The following ZNF432 variants were observed in gnomAD, a reference collection of about 807,000 sequenced individuals.
ZNF432 encodes the protein zinc finger protein 432.
ZNF432 carries 10 observed loss-of-function variants against 13.9 expected under a neutral mutation model. The observed-to-expected ratio is 0.72, with a 90% CI of 0.44 to 1.22. ZNF432 has a LOEUF of 1.22. Ranked by LOEUF, ZNF432 falls within the 50% of genes most tolerant of loss-of-function variation. The pLI, the probability that ZNF432 is intolerant of heterozygous loss-of-function variation, is 0.00. For synonymous variants in ZNF432, 247 were observed against 256.2 expected, an observed-to-expected ratio of 0.96 and a Z score of 0.34; for missense variants, 793 against 796.2, an observed-to-expected ratio of 1.00 and a Z score of 0.05.
intron 4 of ZNF432, among the ~76,000 whole-genome samples, chr19:52,039,883 C>T (rs2087118089): frequency 6.7e-6 from 1 of 150,368 alleles, no homozygotes; most frequent in Non-Finnish European, 1.5e-5. Flanking sequence ...TAGTGATTGC[C>T]TAGGGCTGGG....
intron 4 of ZNF432, among the ~76,000 whole-genome samples, chr19:52,036,946 T>C (rs951567355): frequency 1.3e-5 from 2 of 152,110 alleles, no homozygotes; most frequent in African/African-American, 2.4e-5. Context: ...GCTGGGACTA[T>C]AGGTGTGAGC....
intron 4 of ZNF432, among the ~76,000 whole-genome samples, chr19:52,036,924 G>A (rs545450720): frequency 6.6e-6 from 1 of 152,128 alleles, no homozygotes; most frequent in East Asian, 1.9e-4. Flanking sequence ...GCCCACCTCT[G>A]CTTCCCAAAG....
In ZNF432 at chr19:52,041,543, G is replaced by C. The variant is rs759105571; in HGVS notation, c.79C>G (p.Pro27Ala). 6.2e-7 allele frequency: 1 copy of C among 1,612,882 alleles called. No homozygotes were observed. The highest frequency in any genetic ancestry group is 1.1e-5 in the South Asian group (1 of 90,960). The change falls in exon 3 of 5, where the codon CCT (proline) becomes GCT (alanine). Residue 27 changes from proline to alanine, a missense_variant. Physicochemically the swap from Pro to Ala is conservative, Grantham distance 27. Transcript: ENST00000221315. ...FTWEEWQLLG[P>A]FQKDLYRDVM... ...TCCCGGTACAAATCCTTCTGAAAAG[G>C]GCCCAGGAGCTGCCACTCCTCCCAG...
intron 2 of ZNF432, among the ~76,000 whole-genome samples, chr19:52,044,426 A>G (rs910468699): frequency 1.3e-5 from 2 of 152,206 alleles, no homozygotes; most frequent in Admixed American, 6.5e-5. Flanking sequence ...TAATTTCTAC[A>G]TTGAAAAACA....
chr19:52,044,567 A>G (rs1388769124), intron 2 of ZNF432, among the ~76,000 whole-genome samples: 1 of 152,202 alleles, frequency 6.6e-6, no homozygotes, highest in East Asian at 1.9e-4. Flanking sequence ...TAAAAATCAT[A>G]AAGTCAGGCA....
chr19:52,034,501 C>T lies in ZNF432; in HGVS notation c.1178G>A (p.Arg393Gln), dbSNP rs941210663. ...TMKSRMIEHQ[R>Q]THTGEKPYIC... ...GTAGGGTTTCTCTCCTGTATGAGTT[C>T]GTTGATGTTCGATCATACGGCTCTT... is the stretch of plus-strand genomic sequence containing the variant. The change falls in exon 5 of 5, where the codon CGA (arginine) becomes CAA (glutamine). Residue 393 changes from arginine (R) to glutamine (Q), a missense_variant. By Grantham distance (43) the Arg-to-Gln change is conservative. Coordinates refer to ENST00000221315, the MANE Select transcript of ZNF432 (RefSeq NM_014650.4). The T allele has an allele frequency of 1.7e-5, 28 of 1,613,882 alleles. No individual in the cohort carries two copies. Among genetic ancestry groups the T allele is most frequent in the Non-Finnish European group, 2.2e-5 (26 of 1,180,026 alleles).
At chr19:52,035,472 T>A in intron 4 of ZNF432, 32 bp from the exon 5 acceptor site, 1 of 1,484,654 alleles carries the variant, frequency 6.7e-7, no homozygotes, top group Non-Finnish European at 9.0e-7. Context: ...AATCCTTTTA[T>A]AATCTTGTTG....
intron 1 of ZNF432, 43 bp from the exon 2 acceptor site, chr19:52,047,103 C>G: frequency 2.2e-6 from 1 of 450,734 alleles, no homozygotes; most frequent in Non-Finnish European, 4.0e-6. Flanking sequence ...CACCTTAACA[C>G]GTGGCCCTGA....
At chr19:52,041,731 T>C (rs2087138783) in intron 2 of ZNF432, 125 bp from the exon 3 acceptor site, 1 of 1,076,492 alleles carries the variant, frequency 9.3e-7, no homozygotes, top group Non-Finnish European at 1.3e-6. Flanking sequence ...AAGTCTATTG[T>C]ATTTTTTAAT....
In ZNF432 at chr19:52,034,563, T is replaced by C. The variant is rs1313525024; in HGVS notation, c.1116A>G (p.Pro372=). The part of the protein sequence containing the change: ...IHQRNHTGEK[P]YICNECGKGF... Reference sequence around the variant, plus strand: ...CTTTCCCACATTCATTGCATATATATGGTTTCTCTCCTGTATGATTTCGTT... The same window carrying C: ...CTTTCCCACATTCATTGCATATATACGGTTTCTCTCCTGTATGATTTCGTT... The change falls in exon 5 of 5, where the codon CCA becomes CCG. Residue 372 remains proline (P), a synonymous_variant. Transcript: ENST00000221315. 8 of 1,611,156 alleles carry C rather than the reference T, an allele frequency of 5.0e-6. No individual in the cohort carries two copies. The highest frequency in any genetic ancestry group is 6.8e-6 in the Non-Finnish European group (8 of 1,179,332).
intron 2 of ZNF432, among the ~76,000 whole-genome samples, chr19:52,046,575 C>G (rs559628476): frequency 6.6e-6 from 1 of 152,330 alleles, no homozygotes; most frequent in Admixed American, 6.5e-5. Flanking sequence ...TCCCCACAGT[C>G]ACTGTATAAC....
chr19:52,037,704 C>T (rs931525926), intron 4 of ZNF432, among the ~76,000 whole-genome samples: 1 of 150,218 alleles, frequency 6.7e-6, no homozygotes, highest in African/African-American at 2.5e-5. Flanking sequence ...GTGGGAGGAT[C>T]GCTTGAGCCC....
In ZNF432 at chr19:52,034,075, T is replaced by C. The variant is rs754404339; in HGVS notation, c.1604A>G (p.His535Arg). ...KSNLVVHQRT[H>R]TGEKPFMCSE... ...GCACATAAAGGGTTTCTCTCCAGTA[T>C]GAGTTCGCTGGTGTACAACAAGATT... The change falls in exon 5 of 5, where the codon CAT becomes CGT. Residue 535 changes from histidine to arginine, a missense_variant. Transcript: ENST00000221315. 8.1e-6 allele frequency: 13 copies of C among 1,614,072 alleles called. No individual in the cohort carries two copies. The Admixed American group carries it at 1.7e-4, about 21-fold the overall frequency.
rs777582738 is a variant in ZNF432, at chr19:52,034,149, C to T, written c.1530G>A (p.Glu510=). 49 of 1,613,946 alleles carry T rather than the reference C, an allele frequency of 3.0e-5. No individual in the cohort carries two copies. The East Asian group carries it at 1.1e-3, about 35-fold the overall frequency. ...CACATTCATTGCATATGTACGGTTT[C>T]TCTCCAGTATGAGTTCGCTGATGTA... ...LMLHQRTHTG[E]KPYICNECGK... is the part of the protein sequence containing the mutation. Residue 510 remains glutamate (E), a synonymous_variant, in exon 5 of 5, where the codon GAG becomes GAA. Coordinates refer to ENST00000221315, the MANE Select transcript of ZNF432 (RefSeq NM_014650.4).
chr19:52,040,771 A>G (rs556904102), intron 3 of ZNF432, among the ~76,000 whole-genome samples, 188 bp from the exon 4 acceptor site: 76 of 152,308 alleles, frequency 5.0e-4, no homozygotes, highest in South Asian at 2.3e-3. Flanking sequence ...TCAACCAACC[A>G]TGGATTGAAA....
At chr19:52,040,619 G>C (rs1276187657) in intron 3 of ZNF432, 36 bp from the exon 4 acceptor site, 7 of 1,558,154 alleles carry the variant, frequency 4.5e-6, no homozygotes, top group Non-Finnish European at 5.3e-6. Context: ...AGACACACTG[G>C]ATTGGGCTGG....
At chr19:52,035,733 A>G (rs2087074996) in intron 4 of ZNF432, among the ~76,000 whole-genome samples, 1 of 152,006 alleles carries the variant, frequency 6.6e-6, no homozygotes, top group Non-Finnish European at 1.5e-5. Context: ...GGGTTTCAAT[A>G]TGTTGGCCAG....
At chr19:52,041,907 A>G (rs2087140239) in intron 2 of ZNF432, among the ~76,000 whole-genome samples, 1 of 152,186 alleles carries the variant, frequency 6.6e-6, no homozygotes, top group Non-Finnish European at 1.5e-5. Context: ...TGACATCTAG[A>G]TATCTGATAT....
chr19:52,040,280 G>C lies in ZNF432; in HGVS notation c.238+208C>G, dbSNP rs942098515. 1.0e-5 allele frequency: 6 copies of C among 588,914 alleles called. No homozygotes were observed. The African/African-American group carries it at 1.1e-4, about 11-fold the overall frequency. 36.5% of individuals were successfully genotyped at this position (588,914 alleles called of 1,614,324 possible). A position where few individuals can be genotyped will look rare whatever the true frequency, so the allele number is the denominator to read the frequency against. Reference sequence around the variant, plus strand: ...TTAAGAAGAGAACTCCATAGGTAGAGGACATTCAATACAACACCAGCACAG... The same window carrying C: ...TTAAGAAGAGAACTCCATAGGTAGACGACATTCAATACAACACCAGCACAG... On this transcript the variant is annotated intron_variant, in intron 4 of 4. Coordinates refer to ENST00000221315, the MANE Select transcript of ZNF432 (RefSeq NM_014650.4).
Sources: allele counts gnomAD v4.1 joint callset (sites outside exome capture counted in the v4.1 genomes callset), GRCh38; gene constraint gnomAD v4.1.1; transcripts MANE v1.5; gene names NCBI Gene and HGNC (gene_info 2026-07-23, HGNC 2026-07-21).